MARF1: variants seen among roughly 807,000 people sequenced by gnomAD.
MARF1 encodes meiosis regulator and mRNA stability factor 1, also known as limkain-b1.
Under a neutral mutation model 168.2 loss-of-function variants are expected in MARF1, and 24 were observed. That is an observed-to-expected ratio of 0.14 (90% CI 0.10 to 0.20). The LOEUF is 0.20. Ranked by LOEUF, MARF1 falls within the 10% of genes least tolerant of loss-of-function variation. The pLI is 1.00. For synonymous variants in MARF1, 868 were observed against 822.4 expected, an observed-to-expected ratio of 1.06 and a Z score of -0.95; for missense variants, 1,744 against 2,143.6, an observed-to-expected ratio of 0.81 and a Z score of 3.68.
chr16:15,599,143 A>ATTTT, intron 25 of MARF1, 119 bp from the exon 26 acceptor site: 1 of 578,968 alleles, frequency 1.7e-6, no homozygotes, highest in Non-Finnish European at 3.0e-6. Context: ...GTCAAGAAGT[A>ATTTT]TTTAAGGTAT....
intron 6 of MARF1, 61 bp from the exon 7 acceptor site, chr16:15,630,565 G>T: frequency 6.8e-7 from 1 of 1,480,794 alleles, no homozygotes; most frequent in Non-Finnish European, 9.1e-7. Context: ...GACAAAGACA[G>T]ACAACTCTAT....
intron 25 of MARF1, among the ~76,000 whole-genome samples, chr16:15,599,827 T>C (rs1206583402): frequency 8.5e-5 from 13 of 152,182 alleles, no homozygotes; most frequent in Admixed American, 7.9e-4. Context: ...TGACCAGCCA[T>C]GAGTCAGGCA....
intron 21 of MARF1, among the ~76,000 whole-genome samples, chr16:15,606,528 G>A (rs1325634934): frequency 1.3e-5 from 2 of 151,974 alleles, no homozygotes; most frequent in Non-Finnish European, 2.9e-5. Flanking sequence ...CCTAAGTCCT[G>A]AGCCCTGCCT....
chr16:15,623,910 CTTTTTT>C (rs1168260036), intron 10 of MARF1, among the ~76,000 whole-genome samples: 1 of 132,830 alleles, frequency 7.5e-6, no homozygotes, highest in African/African-American at 2.9e-5. Flanking sequence ...GTCACTTTCT[CTTTTTT>C]TTTTTTTTTT....
intron 5 of MARF1, among the ~76,000 whole-genome samples, chr16:15,633,134 TAAAC>T (rs2035355877): frequency 6.7e-6 from 1 of 149,268 alleles, no homozygotes; most frequent in South Asian, 2.1e-4. Context: ...GCAATATCAT[TAAAC>T]AAATTTTCAA....
intron 12 of MARF1, 139 bp downstream of exon 12, chr16:15,621,594 A>T: frequency 1.2e-6 from 1 of 836,482 alleles, no homozygotes; most frequent in Non-Finnish European, 1.8e-6. Context: ...TTCTAACTGT[A>T]TCAATCTAGA....
chr16:15,608,883 G>A, intron 20 of MARF1: 1 of 247,706 alleles, frequency 4.0e-6, no homozygotes, highest in Non-Finnish European at 7.8e-6. Flanking sequence ...GTTACCTCAT[G>A]TACTCAGACC....
chr16:15,607,720 T>C (rs1300746192), intron 21 of MARF1, among the ~76,000 whole-genome samples: 1 of 152,082 alleles, frequency 6.6e-6, no homozygotes, highest in Non-Finnish European at 1.5e-5. Context: ...TCTGGTCCTG[T>C]GGGGGAGGAG....
Position 15,609,531 on chromosome 16 carries a change from T to C in MARF1, c.3946A>G (p.Thr1316Ala), listed in dbSNP as rs1195502958. The change falls in exon 20 of 27, where the codon ACT (threonine) becomes GCT (alanine). Residue 1316 changes from threonine (T) to alanine (A), a missense_variant. Physicochemically the swap from Thr to Ala is moderately conservative, Grantham distance 58. Around this residue, in one of 7 missense-constraint regions of MARF1, gnomAD observed 543 missense variants for 742.1 expected, o/e 0.73. Coordinates refer to ENST00000396368, the MANE Select transcript of MARF1 (RefSeq NM_014647.4). ...LLELFEAIPDTLQVLECGEEK... is the reference protein window; with the variant it reads ...LLELFEAIPDALQVLECGEEK... Reference sequence around the variant, plus strand: ...AGAATTTCTTCACTCACTTGTAAAGTATCAGGTATGGCTTCAAAAAGTTCA... The same window carrying C: ...AGAATTTCTTCACTCACTTGTAAAGCATCAGGTATGGCTTCAAAAAGTTCA... 2 of 1,612,632 alleles carry C rather than the reference T, an allele frequency of 1.2e-6. No homozygotes were observed. Among genetic ancestry groups the C allele is most frequent in the Non-Finnish European group, 1.7e-6 (2 of 1,178,632 alleles).
chr16:15,600,568 G>A lies in MARF1; in HGVS notation c.4688-15C>T, dbSNP rs770769064. 29 of 1,614,090 alleles carry A rather than the reference G, an allele frequency of 1.8e-5. No individual in the cohort carries two copies. The highest frequency in any genetic ancestry group is 8.5e-6 in the Non-Finnish European group (10 of 1,180,054). ...ACTCAAACGACCTACAGGACAAAGA[G>A]CACCCGTCAGAGAGAAATGTCAGTG... On this transcript the variant is annotated splice_polypyrimidine_tract_variant and intron_variant, in intron 24 of 26. Transcript: ENST00000396368.
chr16:15,616,787 A>G, intron 15 of MARF1: 1 of 420,098 alleles, frequency 2.4e-6, no homozygotes, highest in Non-Finnish European at 4.2e-6. Context: ...CAACTATAAC[A>G]CAATGGTATT....
Position 15,633,753 on chromosome 16 carries a change from G to C in MARF1, c.1097C>G (p.Ser366Cys), listed in dbSNP as rs769981827. Reference protein sequence around the residue: ...FWDIENCSVPSGRSATAVVQR... With the variant: ...FWDIENCSVPCGRSATAVVQR... ...CACAACAGCAGTTGCTGACCGGCCA[G>C]AGGGAACGGAGCAGTTTTCAATATC... Residue 366 changes from serine (S) to cysteine (C), a missense_variant, in exon 5 of 27, where the codon TCT (serine) becomes TGT (cysteine). Coordinates refer to ENST00000396368, the MANE Select transcript of MARF1 (RefSeq NM_014647.4). 2 of 1,613,998 alleles carry C rather than the reference G, an allele frequency of 1.2e-6. No individual in the cohort carries two copies. Among genetic ancestry groups the C allele is most frequent in the East Asian group, 4.5e-5 (2 of 44,906 alleles).
chr16:15,596,412 A>G lies in MARF1; in HGVS notation c.*281T>C, dbSNP rs1343664657. ...TTTTGGAACACCATTGTATTTCATA[A>G]TAGTTACTAAAAATTTGGTAAAATA... On this transcript the variant is annotated 3_prime_UTR_variant, in exon 27 of 27. Transcript: ENST00000396368. 1 of 261,044 alleles carries G rather than the reference A, an allele frequency of 3.8e-6. No individual in the cohort carries two copies. Among genetic ancestry groups the G allele is most frequent in the Non-Finnish European group, 7.1e-6 (1 of 140,142 alleles). The allele number at this position is 261,044 out of a possible 1,614,324, so 16.2% of individuals were successfully genotyped here.
At chr16:15,611,286 G>A (rs1038208414) in intron 18 of MARF1, among the ~76,000 whole-genome samples, 178 bp from the exon 19 acceptor site, 1 of 151,946 alleles carries the variant, frequency 6.6e-6, no homozygotes, top group Non-Finnish European at 1.5e-5. Flanking sequence ...GTGAAACCCC[G>A]TCTCTACTAA....
chr16:15,632,866 C>T (rs1379399190), intron 5 of MARF1, among the ~76,000 whole-genome samples: 1 of 152,138 alleles, frequency 6.6e-6, no homozygotes, highest in African/African-American at 2.4e-5. Context: ...TTTGCTCTTC[C>T]TGGCCAAGTG....
At chr16:15,625,289 C>T (rs2034768364) in intron 8 of MARF1, 83 bp downstream of exon 8, 32 of 1,546,008 alleles carry the variant, frequency 2.1e-5, no homozygotes, top group Middle Eastern at 3.6e-4. Context: ...AAAAGGGACA[C>T]GCCAAAAGCA....
intron 1 of MARF1, among the ~76,000 whole-genome samples, chr16:15,641,111 T>C (rs62036920): frequency 0.049 from 7,527 of 152,236 alleles, 228 homozygotes; most frequent in Non-Finnish European, 0.074. Flanking sequence ...AATTTTTGTT[T>C]TCAAGTTTCT....
chr16:15,630,761 ATTAAC>A (rs774630647), intron 6 of MARF1, among the ~76,000 whole-genome samples: 4 of 152,128 alleles, frequency 2.6e-5, no homozygotes, highest in Non-Finnish European at 1.5e-5. Flanking sequence ...AAATTTGAAA[ATTAAC>A]TTAAACTTTA....
At chr16:15,601,358 A>C in intron 23 of MARF1, 1 of 288,248 alleles carries the variant, frequency 3.5e-6, no homozygotes, top group Non-Finnish European at 6.9e-6. Context: ...TCCCTTCTCC[A>C]TGCCTGCTTC....
Sources: gnomAD v4.1 joint callset for allele counts (sites outside exome capture counted in the v4.1 genomes callset) on GRCh38, gnomAD v4.1.1 for gene constraint, gnomAD v4.1.1 regional missense constraint, MANE v1.5 for transcripts, NCBI Gene and HGNC (gene_info 2026-07-23, HGNC 2026-07-21) for gene names.